Variants in JMY observed in about 807,000 individuals in gnomAD.
JMY encodes junction-mediating and -regulatory protein.
A neutral mutation model predicts 103.3 loss-of-function variants in JMY; 46 were observed. The ratio of observed to expected loss-of-function variants is 0.45; its 90% CI spans 0.35 to 0.57. The LOEUF (loss-of-function observed/expected upper bound fraction) is 0.57, where lower values mean the gene tolerates loss of function less well. Among genes scored for constraint, JMY ranks in the 20% least tolerant of loss-of-function variants. The pLI is 0.00. For synonymous variants in JMY, 526 were observed against 489.3 expected (o/e 1.07, Z -0.99); for missense variants, 1,238 against 1,255.2 (o/e 0.99, Z 0.21).
intron 1 of JMY, among the ~76,000 whole-genome samples, chr5:79,259,970 C>G (rs1033416508): frequency 6.6e-6 from 1 of 152,204 alleles, no homozygotes; most frequent in African/African-American, 2.4e-5. Context: ...ACATCCTGGG[C>G]CCACCTCTGC....
At chr5:79,310,544 A>G (rs894476181) in intron 7 of JMY, among the ~76,000 whole-genome samples, 3 of 152,220 alleles carry the variant, frequency 2.0e-5, no homozygotes, top group African/African-American at 4.8e-5. Context: ...TTGTTTTTCA[A>G]TGCTAGTTTT....
At chr5:79,253,324 G>A (rs185523245) in intron 1 of JMY, among the ~76,000 whole-genome samples, 9 of 151,242 alleles carry the variant, frequency 6.0e-5, no homozygotes, top group South Asian at 2.1e-4. Context: ...ATGGAGTCTC[G>A]CTCTGTCGCC....
chr5:79,316,375 T>C, intron 10 of JMY, 65 bp downstream of exon 10: 6 of 1,298,354 alleles, frequency 4.6e-6, no homozygotes, highest in Non-Finnish European at 6.3e-6. Context: ...TGATGAGGTT[T>C]GGGGTATTTT....
chr5:79,314,056 A>G (rs1747130368), intron 8 of JMY, among the ~76,000 whole-genome samples: 1 of 152,128 alleles, frequency 6.6e-6, no homozygotes, highest in Non-Finnish European at 1.5e-5. Context: ...ACGGGGTTTC[A>G]CCATGTCGGC....
At chr5:79,291,051 T>C in intron 3 of JMY, 79 bp from the exon 4 acceptor site, 1 of 965,382 alleles carries the variant, frequency 1.0e-6, no homozygotes, top group Non-Finnish European at 1.5e-6. Context: ...TCTCTTTGTG[T>C]GGTCAGTGAA....
chr5:79,315,711 A>C (rs1025962611), intron 9 of JMY, among the ~76,000 whole-genome samples: 8 of 152,220 alleles, frequency 5.3e-5, no homozygotes, highest in African/African-American at 1.9e-4. Context: ...CACACCCATA[A>C]TACTACTAAG....
Position 79,237,478 on chromosome 5 carries a change from G to A in JMY, c.828G>A (p.Glu276=). Residue 276 remains glutamate (E), a synonymous_variant, in exon 1 of 11, where the codon GAG becomes GAA. Transcript: ENST00000396137. ...MWTVLFGGAP[E]MTEQEIDTLC... is the part of the protein sequence containing the mutation. ...CTGTGCTGTTTGGGGGCGCCCCCGA[G>A]ATGACCGAGCAGGAAATCGACACTC... 1 of 1,613,788 alleles carries A rather than the reference G, an allele frequency of 6.2e-7. No homozygotes were observed. The highest frequency in any genetic ancestry group is 8.5e-7 in the Non-Finnish European group (1 of 1,179,956).
intron 2 of JMY, among the ~76,000 whole-genome samples, chr5:79,287,622 A>G (rs1746305241): frequency 6.6e-6 from 1 of 152,120 alleles, no homozygotes; most frequent in African/African-American, 2.4e-5. Context: ...TAGCCCCTGC[A>G]CTCCAGCCTG....
intron 4 of JMY, among the ~76,000 whole-genome samples, chr5:79,296,091 T>G (rs1170930171): frequency 6.6e-6 from 1 of 152,210 alleles, no homozygotes; most frequent in African/African-American, 2.4e-5. Flanking sequence ...CAGGGTTTTT[T>G]TAGATTTTAG....
At chr5:79,309,355 C>T (rs1409295947) in intron 7 of JMY, among the ~76,000 whole-genome samples, 1 of 152,014 alleles carries the variant, frequency 6.6e-6, no homozygotes, top group Non-Finnish European at 1.5e-5. Context: ...TTAGGAAGTT[C>T]CCCCTCTATT....
intron 1 of JMY, among the ~76,000 whole-genome samples, chr5:79,239,469 A>G (rs1744665385): frequency 6.6e-6 from 1 of 152,186 alleles, no homozygotes; most frequent in Non-Finnish European, 1.5e-5. Context: ...AAAATCCCTT[A>G]ATGAATGGGC....
At chr5:79,295,234 T>TAATG (rs1746534269) in intron 4 of JMY, among the ~76,000 whole-genome samples, 1 of 152,194 alleles carries the variant, frequency 6.6e-6, no homozygotes, top group South Asian at 2.1e-4. Context: ...CATATGTGGC[T>TAATG]AATGAGCTTT....
In JMY at chr5:79,255,009, ATT is replaced by A. The variant is rs1226179870; in HGVS notation, c.1032+17328_1032+17329del. On this transcript the variant is annotated intron_variant, in intron 1 of 10. Coordinates refer to ENST00000396137, the MANE Select transcript of JMY (RefSeq NM_152405.5). ...TTGGTTCTTTTATTTCAATCTCTTT[ATT>A]AAGTTTGTCTGATAGAAATCTGAAT... 4.6e-5 allele frequency among the ~76,000 whole-genome samples: 7 copies of A among 151,390 alleles called. No homozygotes were observed. The East Asian group carries it at 1.4e-3, about 29-fold the overall frequency.
At chr5:79,253,187 C>G (rs1256650587) in intron 1 of JMY, among the ~76,000 whole-genome samples, 1 of 152,162 alleles carries the variant, frequency 6.6e-6, no homozygotes, top group Non-Finnish European at 1.5e-5. Flanking sequence ...CTAATCTTAA[C>G]TTTGTCTCCC....
chr5:79,255,278 G>A (rs1038084177), intron 1 of JMY, among the ~76,000 whole-genome samples: 3 of 151,932 alleles, frequency 2.0e-5, no homozygotes, highest in African/African-American at 7.3e-5. Context: ...TGTATTTTTA[G>A]TAGAGATGGG....
rs923254627 is a variant in JMY, at chr5:79,237,087, C to T, written c.437C>T (p.Ala146Val). The change falls in exon 1 of 11, where the codon GCC becomes GTC. Residue 146 changes from alanine (A) to valine (V), a missense_variant. Coordinates refer to ENST00000396137, the MANE Select transcript of JMY (RefSeq NM_152405.5). ...AESRLRSPVR[A>V]KPIPGQKTSE... ...AGTCGTCTTAGGAGCCCAGTGCGGG[C>T]CAAACCCATCCCGGGTCAGAAAACA... 6 of 1,546,842 alleles carry T rather than the reference C, an allele frequency of 3.9e-6. No individual in the cohort carries two copies. Among genetic ancestry groups the T allele is most frequent in the Non-Finnish European group, 5.2e-6 (6 of 1,144,744 alleles).
chr5:79,321,430 T>A (rs1404172138), intron 10 of JMY, among the ~76,000 whole-genome samples, 176 bp from the exon 11 acceptor site: 1 of 152,240 alleles, frequency 6.6e-6, no homozygotes, highest in Non-Finnish European at 1.5e-5. Context: ...AATAGTCTTT[T>A]AAAAGTGATC....
At chr5:79,245,510 C>G (rs1744867790) in intron 1 of JMY, among the ~76,000 whole-genome samples, 1 of 152,040 alleles carries the variant, frequency 6.6e-6, no homozygotes, top group African/African-American at 2.4e-5. Context: ...AGGCTGTTGA[C>G]TAGCCTTTTT....
At chr5:79,290,327 A>C in intron 3 of JMY, 56 bp downstream of exon 3, 1 of 1,238,168 alleles carries the variant, frequency 8.1e-7, no homozygotes, top group Non-Finnish European at 1.1e-6. Flanking sequence ...GTGGTTAAGT[A>C]TTTTATGTTC....
Sources: gnomAD v4.1 joint callset for allele counts (sites outside exome capture counted in the v4.1 genomes callset) on GRCh38, gnomAD v4.1.1 for gene constraint, MANE v1.5 for transcripts, NCBI Gene and HGNC (gene_info 2026-07-23, HGNC 2026-07-21) for gene names.